Variants in OSBPL5 observed in about 807,000 individuals in gnomAD.
OSBPL5 encodes the protein oxysterol-binding protein-related protein 5.
Under a neutral mutation model 111.2 loss-of-function variants are expected in OSBPL5, and 71 were observed. The observed-to-expected ratio is 0.64, with a 90% CI of 0.53 to 0.78. The LOEUF (loss-of-function observed/expected upper bound fraction) is 0.78, where lower values mean the gene tolerates loss of function less well. Among genes scored for constraint, OSBPL5 ranks in the 30% least tolerant of loss-of-function variants. The probability of loss-of-function intolerance (pLI) is 0.00; values close to 1 mark genes in which losing one functional copy is unlikely to be tolerated. For synonymous variants in OSBPL5, 549 were observed against 513.9 expected, an observed-to-expected ratio of 1.07 and a Z score of -0.93; for missense variants, 1,210 against 1,189.3, an observed-to-expected ratio of 1.02 and a Z score of -0.26.
intron 10 of OSBPL5, among the ~76,000 whole-genome samples, chr11:3,103,833 A>AGGCTCTGCTGCCCCTTCCT: frequency 1.3e-5 from 1 of 79,334 alleles, no homozygotes; most frequent in Admixed American, 1.2e-4. Context: ...GCCCCCTTCC[A>AGGCTCTGCTGCCCCTTCCT]GCCTCTGCAG....
intron 14 of OSBPL5, among the ~76,000 whole-genome samples, chr11:3,099,031 G>A (rs1008670313): frequency 6.6e-6 from 1 of 152,042 alleles, no homozygotes; most frequent in Non-Finnish European, 1.5e-5. Context: ...TTGAACTCTT[G>A]GGCTCAAGTG....
At chr11:3,102,342 A>C (rs777752017) in intron 11 of OSBPL5, 61 bp from the exon 12 acceptor site, 4 of 1,498,850 alleles carry the variant, frequency 2.7e-6, no homozygotes, top group Non-Finnish European at 3.6e-6. Flanking sequence ...TGTGCAGAGC[A>C]GGTGAGGGAT....
chr11:3,118,433 T>C (rs1010351517), intron 7 of OSBPL5, among the ~76,000 whole-genome samples: 1 of 152,244 alleles, frequency 6.6e-6, no homozygotes, highest in Non-Finnish European at 1.5e-5. Flanking sequence ...AATGTTCATC[T>C]TGCATGTGTT....
intron 15 of OSBPL5, 26 bp from the exon 16 acceptor site, chr11:3,093,861 C>A (rs754583434): frequency 6.2e-6 from 10 of 1,600,882 alleles, no homozygotes; most frequent in Middle Eastern, 3.3e-4. Flanking sequence ...CAGAACAGAG[C>A]CCAGTGAGCG....
rs1297824913 is a variant in OSBPL5 at position 3,165,045 on chromosome 11, C to T, written c.-22+171G>A. Among the ~76,000 whole-genome samples, 1 of 150,874 alleles carries T rather than the reference C, an allele frequency of 6.6e-6. No homozygotes were observed. The highest frequency in any genetic ancestry group is 1.5e-5 in the Non-Finnish European group (1 of 67,562). ...ACCGGCCCCGCGGCGTGGTTCCCCGCACTGGCTACTGCCAGGGTCCGCGGG... is the reference window on the plus strand; with the variant it reads ...ACCGGCCCCGCGGCGTGGTTCCCCGTACTGGCTACTGCCAGGGTCCGCGGG... On this transcript the variant is annotated intron_variant, in intron 1 of 21. Transcript: ENST00000263650. The surrounding 1 kb of genome is among the most constrained non-coding windows in gnomAD (Gnocchi z 7.4).
chr11:3,103,511 G>A (rs1351055142), intron 10 of OSBPL5, among the ~76,000 whole-genome samples, 191 bp from the exon 11 acceptor site: 2 of 152,218 alleles, frequency 1.3e-5, no homozygotes, highest in East Asian at 3.9e-4. Context: ...TAATCAGAAA[G>A]TGCCAGGGCT....
chr11:3,124,211 G>A (rs1215700209), intron 3 of OSBPL5, among the ~76,000 whole-genome samples: 1 of 152,206 alleles, frequency 6.6e-6, no homozygotes, highest in East Asian at 1.9e-4. Context: ...GAGCTGAGCT[G>A]GGACTGAACC....
rs992163555 is a variant in OSBPL5, at chr11:3,159,587, C to T, written c.-22+5629G>A. Among the ~76,000 whole-genome samples, 9 of 152,346 alleles carry T rather than the reference C, an allele frequency of 5.9e-5. No individual in the cohort carries two copies. The East Asian group carries it at 1.5e-3, about 26-fold the overall frequency. ...TTCACAGGTCAGGAGTCCCCTGAGA[C>T]AGCTCAGGGCAGCCTGGGACCAATG... On this transcript the variant is annotated intron_variant, in intron 1 of 21. Transcript: ENST00000263650.
At position 3,154,077 on chromosome 11, in the gene OSBPL5, G is replaced by A. The variant is rs140161650; in HGVS notation, c.-22+11139C>T. Among the ~76,000 whole-genome samples the A allele has an allele frequency of 1.1e-4, 17 of 152,344 alleles. No homozygotes were observed. In the East Asian group the frequency reaches 2.3e-3, roughly 21 times the overall value. ...CCGGGAAACACATGGCATTCAAACC[G>A]CCGCTGGTGTGTGGCCCCTTATCCA... On this transcript the variant is annotated intron_variant, in intron 1 of 21. Transcript: ENST00000263650. This position sits in a 1 kb window ranked among gnomAD's most constrained non-coding sequence, Gnocchi z 4.9.
rs547748181 is a variant in OSBPL5, at chr11:3,132,731, G to T, written c.-21-3562C>A. Among the ~76,000 whole-genome samples, 4 of 152,194 alleles carry T rather than the reference G, an allele frequency of 2.6e-5. No individual in the cohort carries two copies. The East Asian group carries it at 7.7e-4, about 29-fold the overall frequency. On this transcript the variant is annotated intron_variant, in intron 1 of 21. Coordinates refer to ENST00000263650, the MANE Select transcript of OSBPL5 (RefSeq NM_020896.4). Reference sequence around the variant, plus strand: ...CGGAGGCTTGGCCACTCTGGGAGTCGATTCAGATTCTCCACGTAGCACTGG... The same window carrying T: ...CGGAGGCTTGGCCACTCTGGGAGTCTATTCAGATTCTCCACGTAGCACTGG...
At chr11:3,091,365 G>A (rs909636203) in intron 19 of OSBPL5, among the ~76,000 whole-genome samples, 3 of 152,198 alleles carry the variant, frequency 2.0e-5, no homozygotes, top group African/African-American at 4.8e-5. Context: ...TGTGGTCAGC[G>A]ACGGGGCAGG....
At chr11:3,089,687 G>C (rs557619103) in intron 21 of OSBPL5, among the ~76,000 whole-genome samples, 159 bp downstream of exon 21, 6 of 152,274 alleles carry the variant, frequency 3.9e-5, no homozygotes, top group South Asian at 2.1e-4. Context: ...TGCCCTCGGC[G>C]GTTGTCTTCC....
rs775406226 is a variant in OSBPL5 at position 3,104,293 on chromosome 11, T to C, written c.1144A>G (p.Met382Val). 19 of 1,613,714 alleles carry C rather than the reference T, an allele frequency of 1.2e-5. No homozygotes were observed. The East Asian group carries it at 3.8e-4, about 32-fold the overall frequency. Residue 382 changes from methionine (M) to valine (V), a missense_variant, in exon 10 of 22, where the codon ATG (methionine) becomes GTG (valine). Physicochemically the swap from Met to Val is conservative, Grantham distance 21. Coordinates refer to ENST00000263650, the MANE Select transcript of OSBPL5 (RefSeq NM_020896.4). The surrounding 1 kb of genome is among the most constrained non-coding windows in gnomAD (Gnocchi z 5.0). Reference sequence around the variant, plus strand: ...GGTAGCACCACGCGGGACAGGTCCATGCCTGGCCGTAGCTGCTTCAGCAGG... The same window carrying C: ...GGTAGCACCACGCGGGACAGGTCCACGCCTGGCCGTAGCTGCTTCAGCAGG... ...WTLLKQLRPG[M>V]DLSRVVLPTF...
At chr11:3,156,132 C>T (rs745940282) in intron 1 of OSBPL5, among the ~76,000 whole-genome samples, 9 of 152,142 alleles carry the variant, frequency 5.9e-5, no homozygotes, top group Non-Finnish European at 1.0e-4. Context: ...GCACTGAGCA[C>T]AGGAGGGACC....
chr11:3,156,500 G>T (rs776358848), intron 1 of OSBPL5, among the ~76,000 whole-genome samples: 2 of 152,092 alleles, frequency 1.3e-5, no homozygotes, highest in Non-Finnish European at 2.9e-5. Context: ...CCCAAAGCCC[G>T]CCTGGGAGTG....
intron 7 of OSBPL5, among the ~76,000 whole-genome samples, chr11:3,108,266 C>T (rs560255422): frequency 7.9e-5 from 12 of 152,128 alleles, no homozygotes; most frequent in South Asian, 2.1e-4. Flanking sequence ...CACATCCCCA[C>T]GCACCTCCAC....
intron 1 of OSBPL5, among the ~76,000 whole-genome samples, chr11:3,134,440 T>C (rs1340724573): frequency 6.6e-6 from 1 of 152,068 alleles, no homozygotes; most frequent in Non-Finnish European, 1.5e-5. Context: ...TGGGGGCCAC[T>C]CTTCCTAGTC....
At chr11:3,152,182 G>GT (rs796508646) in intron 1 of OSBPL5, among the ~76,000 whole-genome samples, 3 of 152,338 alleles carry the variant, frequency 2.0e-5, no homozygotes, top group African/African-American at 7.2e-5. Context: ...AGCAAACAAT[G>GT]TGAGTCCATG....
intron 20 of OSBPL5, 110 bp downstream of exon 20, chr11:3,090,448 A>G: frequency 7.1e-7 from 1 of 1,411,958 alleles, no homozygotes; most frequent in Non-Finnish European, 9.6e-7. Flanking sequence ...TTTTGCTGGG[A>G]GGTTGCCCTA....
Sources: allele counts gnomAD v4.1 joint callset (sites outside exome capture counted in the v4.1 genomes callset), GRCh38; gene constraint gnomAD v4.1.1; non-coding constraint Gnocchi (gnomAD v3.1); transcripts MANE v1.5; gene names NCBI Gene and HGNC (gene_info 2026-07-23, HGNC 2026-07-21).